ELMO1: variants seen among roughly 807,000 people sequenced by gnomAD.
The protein encoded by ELMO1 is engulfment and cell motility 1.
A neutral mutation model predicts 98.9 loss-of-function variants in ELMO1; 26 were observed. That is an observed-to-expected ratio of 0.26 (90% confidence interval 0.19 to 0.36). ELMO1 has a LOEUF of 0.36. Among genes scored for constraint, ELMO1 ranks in the 10% least tolerant of loss-of-function variants. The pLI is 1.00. For synonymous variants in ELMO1, 346 were observed against 346.0 expected (o/e 1.00, Z 0.00); for missense variants, 627 against 935.2 (o/e 0.67, Z 4.30).
At chr7:37,075,261 C>T (rs1442089804) in intron 15 of ELMO1, among the ~76,000 whole-genome samples, 1 of 151,868 alleles carries the variant, frequency 6.6e-6, no homozygotes, top group African/African-American at 2.4e-5. Context: ...ATTCTCCTGC[C>T]TCAGCCTCCC....
chr7:37,335,082 C>T (rs1202843125), intron 2 of ELMO1, among the ~76,000 whole-genome samples: 2 of 151,914 alleles, frequency 1.3e-5, no homozygotes, highest in African/African-American at 2.4e-5. Flanking sequence ...TAATCTATTT[C>T]AAGAGAAGTG....
intron 1 of ELMO1, among the ~76,000 whole-genome samples, chr7:37,365,883 TAAG>T (rs1396973471): frequency 6.6e-6 from 1 of 152,144 alleles, no homozygotes; most frequent in Non-Finnish European, 1.5e-5. Flanking sequence ...GTTTCACAAG[TAAG>T]AAAATGTAAA....
chr7:37,168,587 T>G (rs1327123613), intron 13 of ELMO1, among the ~76,000 whole-genome samples: 2 of 152,122 alleles, frequency 1.3e-5, no homozygotes, highest in Non-Finnish European at 2.9e-5. Flanking sequence ...TCTGTTGGAG[T>G]TTGCTAGAGG....
chr7:37,433,823 G>A (rs938253382), intron 1 of ELMO1, among the ~76,000 whole-genome samples: 4 of 151,974 alleles, frequency 2.6e-5, no homozygotes, highest in African/African-American at 7.3e-5. Flanking sequence ...CTGTACATGC[G>A]CTGTCTCCTG....
chr7:37,427,976 T>C (rs934029963), intron 1 of ELMO1, among the ~76,000 whole-genome samples: 3 of 152,010 alleles, frequency 2.0e-5, no homozygotes. Context: ...GTTATCCCCA[T>C]AGATACCCCA....
chr7:37,060,834 A>G (rs1796630414), intron 15 of ELMO1, among the ~76,000 whole-genome samples: 1 of 151,526 alleles, frequency 6.6e-6, no homozygotes, highest in South Asian at 2.1e-4. Flanking sequence ...GTCCCAAGTC[A>G]CTGGATTCTG....
At chr7:36,903,099 TCA>T (rs1783700572) in intron 16 of ELMO1, among the ~76,000 whole-genome samples, 1 of 152,194 alleles carries the variant, frequency 6.6e-6, no homozygotes, top group Non-Finnish European at 1.5e-5. Context: ...CCTGCCCATC[TCA>T]CAGAGACGTC....
intron 6 of ELMO1, among the ~76,000 whole-genome samples, chr7:37,255,740 C>A (rs551493443): frequency 3.3e-4 from 51 of 152,280 alleles, no homozygotes; most frequent in African/African-American, 1.2e-3. Context: ...GTGGCAGAAC[C>A]AACTCATATC....
intron 15 of ELMO1, among the ~76,000 whole-genome samples, chr7:37,083,887 C>T (rs1051631961): frequency 1.3e-5 from 2 of 152,172 alleles, no homozygotes; most frequent in Non-Finnish European, 2.9e-5. Context: ...ACTGGCCTCT[C>T]GGAGTCCTCA....
chr7:37,198,690 A>G (rs895235952), intron 13 of ELMO1, among the ~76,000 whole-genome samples: 5 of 152,198 alleles, frequency 3.3e-5, no homozygotes, highest in African/African-American at 1.2e-4. Flanking sequence ...TTGGTTCCCT[A>G]TGTGTCACCC....
At chr7:37,417,169 G>A (rs1462604236) in intron 1 of ELMO1, among the ~76,000 whole-genome samples, 1 of 152,146 alleles carries the variant, frequency 6.6e-6, no homozygotes, top group Non-Finnish European at 1.5e-5. Context: ...TAGAAAGACT[G>A]GACCAGAGGC....
intron 13 of ELMO1, among the ~76,000 whole-genome samples, chr7:37,193,591 C>T (rs1255321397): frequency 6.6e-6 from 1 of 152,030 alleles, no homozygotes. Context: ...TAACCGGCAG[C>T]CTTCCGCAGC....
At chr7:36,942,936 C>T (rs1787168112) in intron 16 of ELMO1, among the ~76,000 whole-genome samples, 1 of 152,224 alleles carries the variant, frequency 6.6e-6, no homozygotes, top group South Asian at 2.1e-4. Flanking sequence ...GTCCTGACAG[C>T]ACGCCACTGA....
chr7:37,315,954 G>T lies in ELMO1; in HGVS notation c.85C>A (p.Pro29Thr), dbSNP rs1379918743. Residue 29 changes from proline (P) to threonine (T), a missense_variant, in exon 3 of 22, where the codon CCA becomes ACA. Pro to Thr is a conservative substitution (Grantham distance 38). Transcript: ENST00000310758. Reference protein sequence around the residue: ...PKLMEIDQKKPLSAIIKEVCD... With the variant: ...PKLMEIDQKKTLSAIIKEVCD... The stretch of plus-strand genomic sequence containing the variant: ...ACTTCCTTTATTATTGCAGACAGTG[G>T]TTTTTTCTGCAAAATAACAAAAAAG... 5.0e-6 allele frequency: 8 copies of T among 1,591,040 alleles called. No homozygotes were observed. The highest frequency in any genetic ancestry group is 6.0e-6 in the Non-Finnish European group (7 of 1,173,702).
At chr7:37,303,662 G>T (rs945319040) in intron 4 of ELMO1, among the ~76,000 whole-genome samples, 17 of 152,280 alleles carry the variant, frequency 1.1e-4, no homozygotes, top group African/African-American at 3.8e-4. Flanking sequence ...TTTTGGTAAA[G>T]AAGTGCCTGT....
chr7:37,103,854 A>ATG (rs1386411825), intron 14 of ELMO1, among the ~76,000 whole-genome samples: 2 of 149,656 alleles, frequency 1.3e-5, no homozygotes, highest in Non-Finnish European at 3.0e-5. Context: ...ATATATATAT[A>ATG]TTAGCCGGGC....
intron 4 of ELMO1, among the ~76,000 whole-genome samples, chr7:37,290,560 T>TTG (rs1322052515): frequency 6.6e-6 from 1 of 152,194 alleles, no homozygotes; most frequent in Non-Finnish European, 1.5e-5. Flanking sequence ...CACGTACAAT[T>TTG]TATGATGGAT....
At position 37,272,317 on chromosome 7, in the gene ELMO1, T is replaced by C. The variant is rs191082867; in HGVS notation, c.193-435A>G. ...AACAATACATATGTCCATTACTTGA[T>C]AAATGGATAAGCAAAATGTGGTCTA... On this transcript the variant is annotated intron_variant, in intron 4 of 21. Coordinates refer to ENST00000310758, the MANE Select transcript of ELMO1 (RefSeq NM_014800.11). Among the ~76,000 whole-genome samples, 4 of 152,292 alleles carry C rather than the reference T, an allele frequency of 2.6e-5. No individual in the cohort carries two copies. In the East Asian group the frequency reaches 5.8e-4, roughly 22 times the overall value.
chr7:37,447,892 C>G (rs963662275), intron 1 of ELMO1, among the ~76,000 whole-genome samples: 1 of 152,018 alleles, frequency 6.6e-6, no homozygotes, highest in African/African-American at 2.4e-5. Flanking sequence ...CTCCGATTCC[C>G]GGGCCCCCTG....
Sources: allele counts gnomAD v4.1 joint callset (sites outside exome capture counted in the v4.1 genomes callset), GRCh38; gene constraint gnomAD v4.1.1; transcripts MANE v1.5; gene names NCBI Gene and HGNC (gene_info 2026-07-23, HGNC 2026-07-21).